The following FXYD5 variants were observed in gnomAD, a reference collection of about 807,000 sequenced individuals.
FXYD5 encodes FXYD domain containing ion transport regulator 5.
In FXYD5, 21 loss-of-function variants were observed where a neutral mutation model predicts 25.7. That is an observed-to-expected ratio of 0.82 (90% CI 0.58 to 1.18). The LOEUF is 1.18. FXYD5 is among the 50% of genes most tolerant of loss of function. FXYD5 has a pLI of 0.00. For missense variants in FXYD5, 229 were observed against 227.7 expected (o/e 1.01, Z -0.04); for synonymous variants, 101 against 90.7 (o/e 1.11, Z -0.64).
chr19:35,164,109 C>T lies in FXYD5; in HGVS notation c.293-47C>T, dbSNP rs1157212723. ...CTCTCAGTAATATCCCTTGTTTCTGCCTCCATGGCTCACTCCTGCCCTCCA... is the reference window on the plus strand; with the variant it reads ...CTCTCAGTAATATCCCTTGTTTCTGTCTCCATGGCTCACTCCTGCCCTCCA... On this transcript the variant is annotated intron_variant, in intron 5 of 8. Transcript: ENST00000392219. 1.1e-5 allele frequency: 17 copies of T among 1,613,764 alleles called. No homozygotes were observed. In the East Asian group the frequency reaches 2.9e-4, roughly 28 times the overall value.
chr19:35,155,492 C>A, intron 1 of FXYD5, 59 bp from the exon 2 acceptor site: 2 of 1,372,400 alleles, frequency 1.5e-6, no homozygotes, highest in Non-Finnish European at 2.1e-6. Flanking sequence ...TCCCCGGGGG[C>A]TGCCGGAGGT....
chr19:35,159,814 C>T (rs962864650), intron 4 of FXYD5: 22 of 758,094 alleles, frequency 2.9e-5, no homozygotes, highest in African/African-American at 1.6e-4. Flanking sequence ...AAGTCAGGGA[C>T]GCAGCTGGAA....
chr19:35,160,230 TA>T, intron 4 of FXYD5, among the ~76,000 whole-genome samples: 1 of 152,200 alleles, frequency 6.6e-6, no homozygotes, highest in South Asian at 2.1e-4. Context: ...AAAGTAAAAA[TA>T]AAAGTTCCCC....
At chr19:35,169,137 G>A (rs1433002652) in intron 8 of FXYD5, among the ~76,000 whole-genome samples, 3 of 151,626 alleles carry the variant, frequency 2.0e-5, no homozygotes, top group Non-Finnish European at 4.4e-5. Flanking sequence ...CCAGCTCCTG[G>A]GCCTCCATGC....
At chr19:35,155,829 AG>A (rs1368317219) in intron 2 of FXYD5, among the ~76,000 whole-genome samples, 3 of 152,242 alleles carry the variant, frequency 2.0e-5, no homozygotes, top group Non-Finnish European at 4.4e-5. Context: ...GAGTCTGGCC[AG>A]GGCCTGTCCT....
At chr19:35,157,030 C>T in intron 2 of FXYD5, 1 of 205,360 alleles carries the variant, frequency 4.9e-6, no homozygotes. Flanking sequence ...CTATCTACAG[C>T]CCTGTGAAGT....
chr19:35,155,845 A>C (rs1193065678), intron 2 of FXYD5, among the ~76,000 whole-genome samples: 1 of 152,182 alleles, frequency 6.6e-6, no homozygotes, highest in African/African-American at 2.4e-5. Flanking sequence ...TGTCCTGCTG[A>C]GCATCCTCCA....
In FXYD5 at chr19:35,168,516, G is replaced by A. The variant is rs185139699; in HGVS notation, c.488-1050G>A. 3.7e-3 allele frequency among the ~76,000 whole-genome samples: 560 copies of A among 152,302 alleles called. 16 individuals are homozygous for A. Among genetic ancestry groups the A allele is most frequent in the Admixed American group, 0.033 (500 of 15,298 alleles). On this transcript the variant is annotated intron_variant, in intron 8 of 8. Coordinates refer to ENST00000392219, the MANE Select transcript of FXYD5 (RefSeq NM_014164.6). ...AGCAGCAGAGGAGGCAAAGTAGCCA[G>A]GACAGGGTAGGTTGGGGGAGAGGAG...
Position 35,155,981 on chromosome 19 carries a change from T to C in FXYD5, c.61+370T>C, listed in dbSNP as rs74600138. Reference sequence around the variant, plus strand: ...GGCATTACACAGTTAGGCAAAGCTGTTGAGCTGGGGTTAGTCCAAAGAGTT... The same window carrying C: ...GGCATTACACAGTTAGGCAAAGCTGCTGAGCTGGGGTTAGTCCAAAGAGTT... On this transcript the variant is annotated intron_variant, in intron 2 of 8. Transcript: ENST00000392219. Among the ~76,000 whole-genome samples, 248 of 152,366 alleles carry C rather than the reference T, an allele frequency of 1.6e-3. 1 individual carries two copies. The highest frequency in any genetic ancestry group is 5.8e-3 in the African/African-American group (240 of 41,590).
chr19:35,160,826 A>G, intron 5 of FXYD5, 25 bp downstream of exon 5: 1 of 1,461,738 alleles, frequency 6.8e-7, no homozygotes, highest in Admixed American at 1.7e-5. Context: ...TGAGAGCAGC[A>G]GCCTACGATT....
intron 5 of FXYD5, 47 bp downstream of exon 5, chr19:35,160,848 CTCTA>C (rs1216025504): frequency 8.6e-7 from 1 of 1,168,928 alleles, no homozygotes; most frequent in Non-Finnish European, 1.3e-6. Flanking sequence ...TTGTTTAATT[CTCTA>C]TCTAGGTCAA....
In FXYD5 at chr19:35,168,778, C is replaced by T. The variant is rs576350146; in HGVS notation, c.488-788C>T. Among the ~76,000 whole-genome samples the T allele has an allele frequency of 5.9e-5, 9 of 152,238 alleles. No individual in the cohort carries two copies. In the East Asian group the frequency reaches 1.5e-3, roughly 26 times the overall value. On this transcript the variant is annotated intron_variant, in intron 8 of 8. Coordinates refer to ENST00000392219, the MANE Select transcript of FXYD5 (RefSeq NM_014164.6). ...CAGACCTTTGTTCAAATGTCACCTCCTTGGCAGGCCACAGTGGTTCACGTA... is the reference window on the plus strand; with the variant it reads ...CAGACCTTTGTTCAAATGTCACCTCTTTGGCAGGCCACAGTGGTTCACGTA...
At chr19:35,157,581 A>C in intron 3 of FXYD5, 80 bp downstream of exon 3, 4 of 769,506 alleles carry the variant, frequency 5.2e-6, no homozygotes, top group East Asian at 2.6e-5. Context: ...TGGACCAAAC[A>C]AGGGAATTTA....
intron 8 of FXYD5, among the ~76,000 whole-genome samples, chr19:35,169,062 C>T (rs867930567): frequency 7.9e-6 from 1 of 127,300 alleles, no homozygotes; most frequent in Non-Finnish European, 1.7e-5. Context: ...GACTCTGTCT[C>T]AAAAAAAAAA....
intron 8 of FXYD5, 72 bp from the exon 9 acceptor site, chr19:35,169,494 C>A: frequency 8.5e-7 from 1 of 1,174,222 alleles, no homozygotes; most frequent in Non-Finnish European, 1.3e-6. Context: ...AATCTGGTTC[C>A]CCAGCCCCAC....
intron 4 of FXYD5, 51 bp downstream of exon 4, chr19:35,158,451 T>G (rs781185901): frequency 2.9e-5 from 31 of 1,063,072 alleles, no homozygotes; most frequent in Non-Finnish European, 4.3e-5. Flanking sequence ...CAAACAAAGT[T>G]TCCCCTCTTC....
chr19:35,168,204 G>A (rs894337606), intron 8 of FXYD5, among the ~76,000 whole-genome samples: 1 of 152,176 alleles, frequency 6.6e-6, no homozygotes, highest in African/African-American at 2.4e-5. Context: ...TGCCAAACCT[G>A]TGCTGGGTGA....
At chr19:35,157,675 T>G (rs943651785) in intron 3 of FXYD5, 174 bp downstream of exon 3, 13 of 500,184 alleles carry the variant, frequency 2.6e-5, no homozygotes, top group African/African-American at 2.4e-4. Flanking sequence ...TCAGAACCTC[T>G]CTCCACCTCT....
At chr19:35,159,240 T>G (rs2065383883) in intron 4 of FXYD5, among the ~76,000 whole-genome samples, 1 of 152,152 alleles carries the variant, frequency 6.6e-6, no homozygotes, top group Non-Finnish European at 1.5e-5. Flanking sequence ...ACTAAACCCC[T>G]TTGTCACCTC....
Sources: allele counts gnomAD v4.1 joint callset (sites outside exome capture counted in the v4.1 genomes callset), GRCh38; gene constraint gnomAD v4.1.1; transcripts MANE v1.5; gene names NCBI Gene and HGNC (gene_info 2026-07-23, HGNC 2026-07-21).